CDAN1: variants seen among roughly 807,000 people sequenced by gnomAD.
CDAN1 encodes the protein codanin 1.
In CDAN1, 107 loss-of-function variants were observed where a neutral mutation model predicts 139.8. That is an observed-to-expected ratio of 0.77 (90% CI 0.65 to 0.90). The LOEUF is 0.90. Ranked by LOEUF, CDAN1 falls within the 40% of genes least tolerant of loss-of-function variation. CDAN1 has a pLI of 0.00. For synonymous variants in CDAN1, 776 were observed against 660.6 expected (o/e 1.17, Z -2.68); for missense variants, 1,667 against 1,575.7 (o/e 1.06, Z -0.98).
At chr15:42,724,858 A>C (rs980876326) in intron 27 of CDAN1, 34 of 606,882 alleles carry the variant, frequency 5.6e-5, no homozygotes, top group Non-Finnish European at 8.4e-5. Context: ...GAGTGCATCT[A>C]CTTCATCTTG....
rs2061598021 is a variant in CDAN1 at position 42,730,615 on chromosome 15, G to C, written c.2157C>G (p.Leu719=). 1 of 1,614,100 alleles carries C rather than the reference G, an allele frequency of 6.2e-7. No homozygotes were observed. The highest frequency in any genetic ancestry group is 1.3e-5 in the African/African-American group (1 of 74,940). ...LLEYYRDIFT[L]LLRLHRSLVL... ...CCACTCACCGGTGCAGGCGCAGCAG[G>C]AGAGTGAAGATGTCCCGGTAATATT... The change falls in exon 14 of 28, where the codon CTC becomes CTG. Residue 719 remains leucine, a synonymous_variant. Coordinates refer to ENST00000356231, the MANE Select transcript of CDAN1 (RefSeq NM_138477.4).
chr15:42,725,775 G>A (rs2061518128), intron 25 of CDAN1, 105 bp from the exon 26 acceptor site: 4 of 1,206,888 alleles, frequency 3.3e-6, no homozygotes, highest in Non-Finnish European at 4.7e-6. Context: ...GGCAGATCAG[G>A]GGTTCGAGAC....
chr15:42,734,023 T>G lies in CDAN1; in HGVS notation c.1282A>C (p.Thr428Pro). Residue 428 changes from threonine to proline, a missense_variant, in exon 8 of 28, where the codon ACT (threonine) becomes CCT (proline). Thr to Pro is a conservative substitution (Grantham distance 38). This residue lies in a region of CDAN1 where 244 missense variants were observed against 309.4 expected (regional missense o/e 0.79). Transcript: ENST00000356231. ...AKVSLVMPPS[T>P]QAVSFQPETD... ...TCTGGCTGAAAGGAGACAGCTTGAG[T>G]AGAGGGAGGCATCACCAGAGAGACC... 1 of 1,613,956 alleles carries G rather than the reference T, an allele frequency of 6.2e-7. No individual in the cohort carries two copies. Among genetic ancestry groups the G allele is most frequent in the Non-Finnish European group, 8.5e-7 (1 of 1,179,856 alleles).
At chr15:42,726,675 A>G in intron 23 of CDAN1, 1 of 557,840 alleles carries the variant, frequency 1.8e-6, no homozygotes, top group Non-Finnish European at 3.2e-6. Context: ...GGGAAACGTC[A>G]CTCAACTTGG....
chr15:42,731,882 C>T (rs1265799996), intron 10 of CDAN1, 57 bp from the exon 11 acceptor site: 1 of 1,496,094 alleles, frequency 6.7e-7, no homozygotes, highest in Admixed American at 1.7e-5. Flanking sequence ...GAGGGAAGGA[C>T]TGAACAAAAA....
intron 24 of CDAN1, 70 bp downstream of exon 24, chr15:42,726,240 T>A (rs1414172517): frequency 1.3e-6 from 2 of 1,598,236 alleles, no homozygotes; most frequent in Non-Finnish European, 1.7e-6. Flanking sequence ...TGAGCCAGTG[T>A]GGCTCTGGTT....
chr15:42,724,691 C>T (rs1292196245), intron 27 of CDAN1, 75 bp from the exon 28 acceptor site: 1 of 1,496,860 alleles, frequency 6.7e-7, no homozygotes, highest in African/African-American at 1.5e-5. Context: ...TCACTAAAGA[C>T]CACAACCTGG....
At position 42,728,735 on chromosome 15, in the gene CDAN1, T is replaced by A. The variant is rs1201932821; in HGVS notation, c.2721A>T (p.Glu907Asp). Residue 907 changes from glutamate to aspartate, a missense_variant, in exon 20 of 28, where the codon GAA (glutamate) becomes GAT (aspartate). Transcript: ENST00000356231. ...LQEQLVTQGE[E>D]GGDPAQLLEI... The stretch of plus-strand genomic sequence containing the variant: ...CCAACAGCTGGGCTGGGTCTCCCCC[T>A]TCCTCTCCCTGTGTCACCAGCTGCT... The A allele has an allele frequency of 6.2e-7, 1 of 1,614,178 alleles. No homozygotes were observed. The highest frequency in any genetic ancestry group is 8.5e-7 in the Non-Finnish European group (1 of 1,180,032).
chr15:42,734,266 T>G lies in CDAN1; in HGVS notation c.1217A>C (p.Gln406Pro). The change falls in exon 7 of 28, where the codon CAA becomes CCA. Residue 406 changes from glutamine (Q) to proline (P), a missense_variant. Gln to Pro is a moderately conservative substitution (Grantham distance 76). Transcript: ENST00000356231. ...CTCATAGGCAGCTCGAAGGCGGCCT[T>G]GCAGAGCTGGTGAGAAGCACAGCAG... ...ERLLCFSPAL[Q>P]GRLRAAYEGS... 3 of 1,614,068 alleles carry G rather than the reference T, an allele frequency of 1.9e-6. No individual in the cohort carries two copies. Among genetic ancestry groups the G allele is most frequent in the Non-Finnish European group, 1.7e-6 (2 of 1,180,012 alleles).
rs987155959 is a variant in CDAN1, at chr15:42,737,103, C to G, written c.-1G>C. The stretch of plus-strand genomic sequence containing the variant: ...GCAGCGACTCCAAAACGGCCGCCAT[C>G]CCGGTCGGGGCGCTCTGGGGCGACT... On this transcript the variant is annotated 5_prime_UTR_variant, in exon 1 of 28. Coordinates refer to ENST00000356231, the MANE Select transcript of CDAN1 (RefSeq NM_138477.4). 3 of 1,513,334 alleles carry G rather than the reference C, an allele frequency of 2.0e-6. No individual in the cohort carries two copies. Among genetic ancestry groups the G allele is most frequent in the Non-Finnish European group, 2.7e-6 (3 of 1,129,434 alleles). 93.7% of individuals were successfully genotyped at this position (1,513,334 alleles called of 1,614,324 possible).
intron 18 of CDAN1, 31 bp from the exon 19 acceptor site, chr15:42,729,157 T>G (rs1172896186): frequency 6.2e-7 from 1 of 1,613,156 alleles, no homozygotes; most frequent in African/African-American, 1.3e-5. Context: ...CAGCAAGGCT[T>G]CCTCCAGCCT....
At chr15:42,729,503 G>T in intron 17 of CDAN1, 65 bp downstream of exon 17, 1 of 1,608,194 alleles carries the variant, frequency 6.2e-7, no homozygotes, top group Non-Finnish European at 8.5e-7. Flanking sequence ...CTGGGCCAAG[G>T]GGGTGCCTTT....
Position 42,735,497 on chromosome 15 carries a change from C to G in CDAN1, c.943+13G>C. ...CAAGTGTCTCCACTCCCGCTCCCTC[C>G]GCTCTCACTCACCAGCAATGCACGA... On this transcript the variant is annotated intron_variant, in intron 4 of 27. Coordinates refer to ENST00000356231, the MANE Select transcript of CDAN1 (RefSeq NM_138477.4). 6 of 1,614,170 alleles carry G rather than the reference C, an allele frequency of 3.7e-6. No individual in the cohort carries two copies. The highest frequency in any genetic ancestry group is 5.1e-6 in the Non-Finnish European group (6 of 1,180,012).
Position 42,730,945 on chromosome 15 carries a change from T to G in CDAN1, c.1987A>C (p.Ile663Leu). 1 of 1,614,208 alleles carries G rather than the reference T, an allele frequency of 6.2e-7. No homozygotes were observed. The change falls in exon 13 of 28, where the codon ATT becomes CTT. Residue 663 changes from isoleucine (I) to leucine (L), a missense_variant. Around this residue, in one of 3 missense-constraint regions of CDAN1, gnomAD observed 936 missense variants for 844.1 expected, o/e 1.11. Coordinates refer to ENST00000356231, the MANE Select transcript of CDAN1 (RefSeq NM_138477.4). ...TTCACCTGGCTCCTGAGGGCCAGAA[T>G]GGAGTCCTGAAGCTCACCGGTCGGG... Reference protein sequence around the residue: ...PPPTGELQDSILALRSQVPPV... With the variant: ...PPPTGELQDSLLALRSQVPPV...
In CDAN1 at chr15:42,736,405, A is replaced by G; in HGVS notation, c.466T>C (p.Ser156Pro). 1 of 1,609,718 alleles carries G rather than the reference A, an allele frequency of 6.2e-7. No individual in the cohort carries two copies. The highest frequency in any genetic ancestry group is 8.5e-7 in the Non-Finnish European group (1 of 1,177,998). ...PGAGGRRLRG[S>P]GSPSRPSLTL... is the part of the protein sequence containing the mutation. ...AGGCTGGGGCGGCTGGGGCTGCCAG[A>G]GCCCCTAAGCCTCCGGCCCCCGGCT... The change falls in exon 2 of 28, where the codon TCT (serine) becomes CCT (proline). Residue 156 changes from serine to proline, a missense_variant. Physicochemically the swap from Ser to Pro is moderately conservative, Grantham distance 74. Around this residue, in one of 3 missense-constraint regions of CDAN1, gnomAD observed 487 missense variants for 422.2 expected, o/e 1.15. Coordinates refer to ENST00000356231, the MANE Select transcript of CDAN1 (RefSeq NM_138477.4).
intron 25 of CDAN1, 122 bp downstream of exon 25, chr15:42,725,975 C>CA (rs886492399): frequency 0.17 from 56,473 of 333,682 alleles, 3,279 homozygotes; most frequent in African/African-American, 0.25. Context: ...GATTCCGTCT[C>CA]AAAAAAAAAA....
chr15:42,733,007 GAAA>G, intron 9 of CDAN1, 87 bp downstream of exon 9: 1 of 1,050,862 alleles, frequency 9.5e-7, no homozygotes, highest in Non-Finnish European at 1.4e-6. Context: ...TAGGAGCGGG[GAAA>G]ACCTTCCCTC....
At chr15:42,731,887 C>CA in intron 10 of CDAN1, 62 bp from the exon 11 acceptor site, 2 of 1,458,570 alleles carry the variant, frequency 1.4e-6, no homozygotes, top group Non-Finnish European at 1.9e-6. Flanking sequence ...AAGGACTGAA[C>CA]AAAAAATAAG....
rs765833223 is a variant in CDAN1, at chr15:42,734,223, T to C, written c.1257+3A>G. On this transcript the variant is annotated splice_donor_region_variant and intron_variant, in intron 7 of 27. Coordinates refer to ENST00000356231, the MANE Select transcript of CDAN1 (RefSeq NM_138477.4). ...TAGTGGGCAACTAAGCTGGGGTTAC[T>C]ACCTTGGCAACACTGCCCTCATAGG... 3.7e-6 allele frequency: 6 copies of C among 1,614,126 alleles called. No homozygotes were observed. The highest frequency in any genetic ancestry group is 5.1e-6 in the Non-Finnish European group (6 of 1,180,034).
Sources: allele counts gnomAD v4.1 joint callset, GRCh38; gene constraint gnomAD v4.1.1; regional missense constraint gnomAD v4.1.1; transcripts MANE v1.5; gene names NCBI Gene and HGNC (gene_info 2026-07-23, HGNC 2026-07-21).